Variants in MSRA observed in about 807,000 individuals in gnomAD.
MSRA encodes methionine sulfoxide reductase A, also known as mitochondrial peptide methionine sulfoxide reductase.
A neutral mutation model predicts 31.3 loss-of-function variants in MSRA; 54 were observed. The observed-to-expected ratio is 1.73, with a 90% CI of 1.39 to 2.17. The LOEUF is 2.17. MSRA is among the 30% of genes most tolerant of loss of function. MSRA has a pLI of 0.00. For synonymous variants in MSRA, 169 were observed against 116.5 expected, an observed-to-expected ratio of 1.45 and a Z score of -2.90; for missense variants, 507 against 300.9, an observed-to-expected ratio of 1.69 and a Z score of -5.07.
Position 10,225,924 on chromosome 8 carries a change from C to T in MSRA, c.211+18023C>T, listed in dbSNP as rs142022328. ...GACAGAGGAAGTATTCTATCCATGC[C>T]AGAAAGACGTAAGGTGTAAATGACT... is the stretch of plus-strand genomic sequence containing the variant. On this transcript the variant is annotated intron_variant, in intron 2 of 5. Transcript: ENST00000317173. Among the ~76,000 whole-genome samples, 30 of 152,244 alleles carry T rather than the reference C, an allele frequency of 2.0e-4. 1 individual carries two copies. The East Asian group carries it at 5.4e-3, about 27-fold the overall frequency.
At chr8:10,284,464 G>A (rs1304683210) in intron 3 of MSRA, among the ~76,000 whole-genome samples, 1 of 152,128 alleles carries the variant, frequency 6.6e-6, no homozygotes, top group Non-Finnish European at 1.5e-5. Flanking sequence ...AAAGTGCTGG[G>A]ATTACAGGCA....
At chr8:10,193,776 G>C (rs1563203198) in intron 1 of MSRA, among the ~76,000 whole-genome samples, 1 of 152,120 alleles carries the variant, frequency 6.6e-6, no homozygotes. Flanking sequence ...CCCTTAATTA[G>C]CCATGGGACC....
chr8:10,396,958 AC>A (rs1807134235), intron 5 of MSRA, among the ~76,000 whole-genome samples: 1 of 152,196 alleles, frequency 6.6e-6, no homozygotes, highest in Non-Finnish European at 1.5e-5. Context: ...CAAACCGTGA[AC>A]ATTCAGAGTG....
In MSRA at chr8:10,165,347, A is replaced by AAAAC. The variant is rs142564475; in HGVS notation, c.143-42458_143-42455dup. Among the ~76,000 whole-genome samples the AAAAC allele has an allele frequency of 5.7e-3, 866 of 152,108 alleles. 5 individuals are homozygous for AAAAC. The highest frequency in any genetic ancestry group is 7.5e-3 in the Admixed American group (115 of 15,294). ...TTAAGTGCTTCTATTCTTTTTTTAA[A>AAAAC]AAACAAACAAACAAACAAACAAACA... On this transcript the variant is annotated intron_variant, in intron 1 of 5. Coordinates refer to ENST00000317173, the MANE Select transcript of MSRA (RefSeq NM_012331.5).
chr8:10,344,017 A>T (rs767104037), intron 5 of MSRA, among the ~76,000 whole-genome samples: 1 of 152,174 alleles, frequency 6.6e-6, no homozygotes, highest in African/African-American at 2.4e-5. Flanking sequence ...AAGATAGAAC[A>T]TTCTGTAGTC....
At chr8:10,173,815 T>C (rs1805806068) in intron 1 of MSRA, among the ~76,000 whole-genome samples, 1 of 152,180 alleles carries the variant, frequency 6.6e-6, no homozygotes, top group African/African-American at 2.4e-5. Context: ...GCATTTGCAA[T>C]TGCAAATGAC....
At chr8:10,306,016 C>G (rs976447453) in intron 4 of MSRA, among the ~76,000 whole-genome samples, 8 of 152,222 alleles carry the variant, frequency 5.3e-5, no homozygotes, top group African/African-American at 1.2e-4. Context: ...TTCTGGCCTT[C>G]TTTCTTACTC....
intron 3 of MSRA, among the ~76,000 whole-genome samples, chr8:10,293,436 G>C (rs768748085): frequency 6.6e-6 from 1 of 152,214 alleles, no homozygotes; most frequent in Non-Finnish European, 1.5e-5. Context: ...CCCGGTATGC[G>C]TGTGACTGCT....
chr8:10,287,167 C>T (rs560182665), intron 3 of MSRA, among the ~76,000 whole-genome samples: 102 of 152,200 alleles, frequency 6.7e-4, no homozygotes, highest in Non-Finnish European at 1.3e-3. Flanking sequence ...AAATTACAGC[C>T]GAGTCTGCAT....
At chr8:10,276,346 A>C (rs1799321344) in intron 3 of MSRA, among the ~76,000 whole-genome samples, 1 of 152,170 alleles carries the variant, frequency 6.6e-6, no homozygotes, top group Non-Finnish European at 1.5e-5. Context: ...TAATTGTTAC[A>C]GGGCCCTTTC....
intron 2 of MSRA, among the ~76,000 whole-genome samples, chr8:10,219,847 T>TACAATG (rs1256868055): frequency 6.8e-6 from 1 of 146,202 alleles, no homozygotes. Context: ...TTAGGTCCAG[T>TACAATG]ACAATGTACA....
intron 2 of MSRA, among the ~76,000 whole-genome samples, chr8:10,212,880 A>G (rs1330676197): frequency 6.6e-6 from 1 of 152,158 alleles, no homozygotes; most frequent in Non-Finnish European, 1.5e-5. Flanking sequence ...TGAACCCATC[A>G]TTATTTATTT....
intron 5 of MSRA, among the ~76,000 whole-genome samples, chr8:10,412,707 A>G (rs1161836912): frequency 6.6e-6 from 1 of 152,216 alleles, no homozygotes; most frequent in East Asian, 1.9e-4. Flanking sequence ...GCAAATAGGA[A>G]CGTTAAAAGG....
At chr8:10,137,462 T>C (rs1364022691) in intron 1 of MSRA, among the ~76,000 whole-genome samples, 1 of 152,200 alleles carries the variant, frequency 6.6e-6, no homozygotes, top group African/African-American at 2.4e-5. Flanking sequence ...TTTATTTCCT[T>C]ATTCTGTGCC....
At chr8:10,202,600 C>T (rs757192512) in intron 1 of MSRA, among the ~76,000 whole-genome samples, 1 of 152,160 alleles carries the variant, frequency 6.6e-6, no homozygotes, top group Non-Finnish European at 1.5e-5. Context: ...ATTCAGGGAT[C>T]AAGAAAGTAT....
chr8:10,343,692 C>T (rs539429706), intron 5 of MSRA, among the ~76,000 whole-genome samples: 2 of 152,134 alleles, frequency 1.3e-5, no homozygotes, highest in Non-Finnish European at 2.9e-5. Flanking sequence ...GTGACCTGCA[C>T]ACACAAGTCA....
chr8:10,159,667 T>C (rs1018518879), intron 1 of MSRA, among the ~76,000 whole-genome samples: 3 of 152,128 alleles, frequency 2.0e-5, no homozygotes, highest in African/African-American at 7.2e-5. Flanking sequence ...TGTATTGCAG[T>C]GGGGAGAGGG....
intron 1 of MSRA, among the ~76,000 whole-genome samples, chr8:10,165,018 A>G (rs1350742568): frequency 6.6e-6 from 1 of 152,154 alleles, no homozygotes; most frequent in East Asian, 1.9e-4. Context: ...ACAGAGTGAA[A>G]AAACAACACA....
chr8:10,120,038 A>G (rs1344095590), intron 1 of MSRA, among the ~76,000 whole-genome samples: 2 of 152,118 alleles, frequency 1.3e-5, no homozygotes, highest in Non-Finnish European at 2.9e-5. Context: ...TAGTAGAGGA[A>G]CTCAGCCACT....
Sources: allele counts gnomAD v4.1 joint callset (sites outside exome capture counted in the v4.1 genomes callset), GRCh38; gene constraint gnomAD v4.1.1; transcripts MANE v1.5; gene names NCBI Gene and HGNC (gene_info 2026-07-23, HGNC 2026-07-21).